The following CIBAR2 variants were observed in gnomAD, a reference collection of about 807,000 sequenced individuals.
CIBAR2 encodes CBY1-interacting BAR domain-containing protein 2.
Under a neutral mutation model 36.2 loss-of-function variants are expected in CIBAR2, and 38 were observed. The observed-to-expected ratio is 1.05, with a 90% confidence interval of 0.81 to 1.38. The LOEUF (loss-of-function observed/expected upper bound fraction) is 1.38. Among genes scored for constraint, CIBAR2 ranks in the 40% most tolerant of loss-of-function variants. CIBAR2 has a pLI of 0.00. For missense variants in CIBAR2, 481 were observed against 383.4 expected (o/e 1.25, Z -2.13); for synonymous variants, 182 against 149.5 (o/e 1.22, Z -1.58).
chr16:85,112,229 C>T (rs2074048415), intron 1 of CIBAR2, 104 bp downstream of exon 1: 5 of 1,023,698 alleles, frequency 4.9e-6, no homozygotes, highest in African/African-American at 4.7e-5. Context: ...CCCCAACCCC[C>T]ACCCCAAGCA....
intron 1 of CIBAR2, among the ~76,000 whole-genome samples, chr16:85,111,049 A>T (rs949508309): frequency 7.2e-5 from 11 of 152,152 alleles, no homozygotes; most frequent in African/African-American, 2.6e-4. Flanking sequence ...CCCCTGCAGC[A>T]GGTGCGCGAT....
chr16:85,105,433 TG>T lies in CIBAR2; in HGVS notation c.433-3del. ...GGCCCTCTGCACTCTGGTCTCTGCC[TG>T]GCCCCAGGGACACAAGACGTAGAAA... On this transcript the variant is annotated splice_polypyrimidine_tract_variant and splice_region_variant and intron_variant, in intron 5 of 8. Coordinates refer to ENST00000539556, the MANE Select transcript of CIBAR2 (RefSeq NM_198491.3). 2 of 1,611,394 alleles carry T rather than the reference TG, an allele frequency of 1.2e-6. No homozygotes were observed. The highest frequency in any genetic ancestry group is 1.7e-6 in the Non-Finnish European group (2 of 1,177,830).
At chr16:85,105,225 C>G in intron 6 of CIBAR2, 102 bp downstream of exon 6, 2 of 715,476 alleles carry the variant, frequency 2.8e-6, no homozygotes, top group South Asian at 3.3e-5. Context: ...CAGACCCATA[C>G]ACACTCATGC....
At chr16:85,107,090 G>C (rs1367358399) in intron 5 of CIBAR2, among the ~76,000 whole-genome samples, 1 of 152,082 alleles carries the variant, frequency 6.6e-6, no homozygotes, top group East Asian at 1.9e-4. Flanking sequence ...AGGTTGCAGT[G>C]AGCCGAGACT....
intron 5 of CIBAR2, among the ~76,000 whole-genome samples, chr16:85,107,383 G>A (rs1159185336): frequency 2.6e-5 from 4 of 152,126 alleles, no homozygotes; most frequent in Non-Finnish European, 5.9e-5. Flanking sequence ...TCCTGTAGAC[G>A]ATGGGGATGA....
At chr16:85,103,253 A>G (rs973032875) in intron 6 of CIBAR2, among the ~76,000 whole-genome samples, 7 of 152,166 alleles carry the variant, frequency 4.6e-5, no homozygotes, top group Non-Finnish European at 8.8e-5. Flanking sequence ...GGCACCAGCC[A>G]TGGGGAACAG....
At chr16:85,106,597 A>T (rs536383435) in intron 5 of CIBAR2, among the ~76,000 whole-genome samples, 1 of 152,156 alleles carries the variant, frequency 6.6e-6, no homozygotes, top group South Asian at 2.1e-4. Context: ...GAGCCAAGGG[A>T]TGTGCGTGGC....
At chr16:85,100,639 T>A (rs1037964805) in intron 7 of CIBAR2, among the ~76,000 whole-genome samples, 1 of 152,122 alleles carries the variant, frequency 6.6e-6, no homozygotes, top group Non-Finnish European at 1.5e-5. Context: ...GCTTCCCCCA[T>A]CAGGAGCTGG....
rs780013361 is a variant in CIBAR2, at chr16:85,107,960, AG to A, written c.325-14del. The A allele has an allele frequency of 1.2e-6, 2 of 1,613,676 alleles. No individual in the cohort carries two copies. Among genetic ancestry groups the A allele is most frequent in the Admixed American group, 1.7e-5 (1 of 60,002 alleles). On this transcript the variant is annotated splice_polypyrimidine_tract_variant and intron_variant, in intron 3 of 8. Transcript: ENST00000539556. ...TCTTGATCTCAGCCTGCAGAAAAGG[AG>A]GAGGGTTGTTTCCTGGGATCCCACA...
Position 85,102,286 on chromosome 16 carries a change from A to C in CIBAR2, c.579T>G (p.His193Gln). 1 of 1,613,792 alleles carries C rather than the reference A, an allele frequency of 6.2e-7. No individual in the cohort carries two copies. The highest frequency in any genetic ancestry group is 8.5e-7 in the Non-Finnish European group (1 of 1,179,732). Residue 193 changes from histidine (H) to glutamine (Q), a missense_variant, in exon 7 of 9, where the codon CAT becomes CAG. Coordinates refer to ENST00000539556, the MANE Select transcript of CIBAR2 (RefSeq NM_198491.3). ...CDFVTIEMVF[H>Q]AKAVEVYSSA... ...TAGAATACACCTCCACCGCTTTGGC[A>C]TGGAAAACCATCTCAATAGTTACAA...
At chr16:85,105,168 G>A (rs1233969367) in intron 6 of CIBAR2, among the ~76,000 whole-genome samples, 159 bp downstream of exon 6, 4 of 152,234 alleles carry the variant, frequency 2.6e-5, no homozygotes, top group African/African-American at 9.6e-5. Context: ...CCGGGAGCCT[G>A]TGTGGGCATA....
intron 1 of CIBAR2, among the ~76,000 whole-genome samples, chr16:85,111,148 C>G (rs1276790668): frequency 1.3e-5 from 2 of 152,126 alleles, no homozygotes; most frequent in Non-Finnish European, 1.5e-5. Flanking sequence ...TCCCTCATCC[C>G]CAGCGTGTAA....
At chr16:85,101,845 T>C (rs965811341) in intron 7 of CIBAR2, among the ~76,000 whole-genome samples, 1 of 151,970 alleles carries the variant, frequency 6.6e-6, no homozygotes, top group Non-Finnish European at 1.5e-5. Context: ...AATTTTGTAT[T>C]TTAGTAGAGA....
chr16:85,105,295 G>T, intron 6 of CIBAR2, 32 bp downstream of exon 6: 1 of 1,402,656 alleles, frequency 7.1e-7, no homozygotes, highest in Non-Finnish European at 1.0e-6. Flanking sequence ...AGGCAGCCCA[G>T]GGCGCCTCCC....
At chr16:85,100,294 T>G in intron 7 of CIBAR2, 54 bp from the exon 8 acceptor site, 1 of 1,224,980 alleles carries the variant, frequency 8.2e-7, no homozygotes, top group South Asian at 1.3e-5. Flanking sequence ...ACAGCGTGGG[T>G]TGGGGGAGTG....
At position 85,098,666 on chromosome 16, in the gene CIBAR2, T is replaced by C; in HGVS notation, c.*519A>G. ...TCCCCTTCTTTTCCTGGGCTCCATA[T>C]GGTGCTCTGAGCACTCTAAATAATA... On this transcript the variant is annotated 3_prime_UTR_variant, in exon 9 of 9. Coordinates refer to ENST00000539556, the MANE Select transcript of CIBAR2 (RefSeq NM_198491.3). 2.0e-6 allele frequency: 2 copies of C among 981,990 alleles called. No individual in the cohort carries two copies. Among genetic ancestry groups the C allele is most frequent in the Non-Finnish European group, 2.4e-6 (2 of 826,448 alleles). 60.8% of individuals were successfully genotyped at this position (981,990 alleles called of 1,614,324 possible).
At position 85,105,410 on chromosome 16, in the gene CIBAR2, C is replaced by T; in HGVS notation, c.454G>A (p.Ala152Thr). ...ISQAETRVQR[A>T]AVDSSRTTLQ... Reference sequence around the variant, plus strand: ...GTGGTGCGGCTGGAGTCCACAGCGGCCCTCTGCACTCTGGTCTCTGCCTGG... The same window carrying T: ...GTGGTGCGGCTGGAGTCCACAGCGGTCCTCTGCACTCTGGTCTCTGCCTGG... The change falls in exon 6 of 9, where the codon GCC (alanine) becomes ACC (threonine). Residue 152 changes from alanine (A) to threonine (T), a missense_variant. Transcript: ENST00000539556. The T allele has an allele frequency of 6.2e-7, 1 of 1,613,672 alleles. No homozygotes were observed. Among genetic ancestry groups the T allele is most frequent in the African/African-American group, 1.3e-5 (1 of 75,038 alleles).
chr16:85,101,672 T>C (rs1336753587), intron 7 of CIBAR2, among the ~76,000 whole-genome samples: 2 of 114,536 alleles, frequency 1.7e-5, no homozygotes, highest in African/African-American at 1.1e-4. Context: ...TGTTTTTTTG[T>C]TTTTGTTTTT....
chr16:85,100,038 G>A (rs2073942808), intron 8 of CIBAR2, 101 bp downstream of exon 8: 1 of 905,368 alleles, frequency 1.1e-6, no homozygotes, highest in Non-Finnish European at 1.7e-6. Context: ...TCAAATTCGA[G>A]TTCTCAGCCA....
Sources: allele counts gnomAD v4.1 joint callset (sites outside exome capture counted in the v4.1 genomes callset), GRCh38; gene constraint gnomAD v4.1.1; transcripts MANE v1.5; gene names NCBI Gene and HGNC (gene_info 2026-07-23, HGNC 2026-07-21).